DLGAP2: variants seen among roughly 807,000 people sequenced by gnomAD.
DLGAP2 encodes the protein DLG associated protein 2.
In DLGAP2, 26 loss-of-function variants were observed where a neutral mutation model predicts 100.3. The ratio of observed to expected loss-of-function variants is 0.26; its 90% CI spans 0.19 to 0.36. The LOEUF (loss-of-function observed/expected upper bound fraction) is 0.36. DLGAP2 is among the 10% of genes least tolerant of loss of function. DLGAP2 has a pLI of 1.00. For missense variants in DLGAP2, 1,858 were observed against 1,453.2 expected (o/e 1.28, Z -4.53); for synonymous variants, 886 against 630.1 (o/e 1.41, Z -6.08).
chr8:1,522,147 G>A (rs560781715), intron 4 of DLGAP2, among the ~76,000 whole-genome samples: 39 of 152,324 alleles, frequency 2.6e-4, no homozygotes, highest in Admixed American at 9.8e-4. Flanking sequence ...GTGGTGTGGA[G>A]CATCTTTGGT....
At chr8:1,593,033 TTGCAATAG>T (rs1345447642) in intron 6 of DLGAP2, among the ~76,000 whole-genome samples, 1 of 152,200 alleles carries the variant, frequency 6.6e-6, no homozygotes, top group Admixed American at 6.6e-5. Flanking sequence ...TGATTATACA[TTGCAATAG>T]TAAAAATCTT....
chr8:1,065,636 G>A (rs940769184), intron 2 of DLGAP2, among the ~76,000 whole-genome samples: 1 of 152,166 alleles, frequency 6.6e-6, no homozygotes, highest in Non-Finnish European at 1.5e-5. Flanking sequence ...CCTTTCTTAT[G>A]GGATCATCAG....
At chr8:1,454,235 G>C (rs1454445179) in intron 3 of DLGAP2, among the ~76,000 whole-genome samples, 1 of 152,206 alleles carries the variant, frequency 6.6e-6, no homozygotes, top group Non-Finnish European at 1.5e-5. Flanking sequence ...GTCCCCGTAA[G>C]GTTTCATCCA....
chr8:1,561,566 C>T (rs758483930), intron 5 of DLGAP2, among the ~76,000 whole-genome samples: 1 of 152,158 alleles, frequency 6.6e-6, no homozygotes, highest in Non-Finnish European at 1.5e-5. Flanking sequence ...TTCTAGTGTG[C>T]GTGGTGCTAG....
chr8:815,998 A>G (rs1463737885), intron 1 of DLGAP2, among the ~76,000 whole-genome samples: 1 of 152,070 alleles, frequency 6.6e-6, no homozygotes, highest in African/African-American at 2.4e-5. Context: ...GTTGCTGTAG[A>G]GTTTGTTTTA....
chr8:969,515 G>C (rs1294429498), intron 2 of DLGAP2, among the ~76,000 whole-genome samples: 1 of 150,302 alleles, frequency 6.7e-6, no homozygotes, highest in Admixed American at 6.7e-5. Flanking sequence ...CAACTGTTAA[G>C]TTTTTAGGAA....
At chr8:1,213,327 C>G (rs750692865) in intron 2 of DLGAP2, among the ~76,000 whole-genome samples, 1 of 152,080 alleles carries the variant, frequency 6.6e-6, no homozygotes, top group African/African-American at 2.4e-5. Context: ...AAGTTTTGAT[C>G]GAGTTTTGAA....
At chr8:1,127,751 G>A (rs1259244968) in intron 2 of DLGAP2, among the ~76,000 whole-genome samples, 1 of 152,196 alleles carries the variant, frequency 6.6e-6, no homozygotes, top group African/African-American at 2.4e-5. Flanking sequence ...AAGGCCCAGA[G>A]GAGGACGGTT....
chr8:1,097,450 G>C (rs1454007463), intron 2 of DLGAP2, among the ~76,000 whole-genome samples: 802 of 72,012 alleles, frequency 0.011, no homozygotes, highest in Middle Eastern at 0.051. Flanking sequence ...CCACCTCCCT[G>C]TGCTCAGGAG....
chr8:1,012,973 T>G (rs984858120), intron 2 of DLGAP2, among the ~76,000 whole-genome samples: 2 of 151,796 alleles, frequency 1.3e-5, no homozygotes, highest in South Asian at 2.2e-4. Flanking sequence ...CCAGTGTGGC[T>G]TCAGTTTTGC....
intron 3 of DLGAP2, among the ~76,000 whole-genome samples, chr8:1,317,386 C>A (rs185025374): frequency 5.2e-5 from 5 of 95,990 alleles, no homozygotes; most frequent in Middle Eastern, 5.6e-3. Context: ...AAAAATAGAG[C>A]CTGTGCGAGT....
chr8:1,428,975 CTT>C (rs1392503804), intron 3 of DLGAP2, among the ~76,000 whole-genome samples: 1 of 152,204 alleles, frequency 6.6e-6, no homozygotes, highest in East Asian at 1.9e-4. Flanking sequence ...AAAAGATCAA[CTT>C]AGGCACATTA....
chr8:750,399 C>G (rs1820761424), intron 1 of DLGAP2, among the ~76,000 whole-genome samples: 1 of 152,204 alleles, frequency 6.6e-6, no homozygotes, highest in Non-Finnish European at 1.5e-5. Flanking sequence ...CATTTCGAAT[C>G]TTTTCTATGT....
At chr8:811,737 A>T (rs12542561) in intron 1 of DLGAP2, among the ~76,000 whole-genome samples, 17,907 of 150,236 alleles carry the variant, frequency 0.12, 743 homozygotes, top group East Asian at 0.22. Flanking sequence ...ATGAGCAGGA[A>T]CTATCTGGGG....
intron 8 of DLGAP2, among the ~76,000 whole-genome samples, chr8:1,656,789 C>T (rs1228128760): frequency 2.0e-5 from 3 of 152,176 alleles, no homozygotes; most frequent in South Asian, 2.1e-4. Flanking sequence ...ACCTTTTCTT[C>T]GTGCCCCAAG....
At chr8:1,238,753 T>TGC (rs1293152318) in intron 2 of DLGAP2, among the ~76,000 whole-genome samples, 1 of 80,248 alleles carries the variant, frequency 1.2e-5, no homozygotes. Flanking sequence ...TCTAGTTCTC[T>TGC]CACGTGGCGC....
At chr8:830,989 G>A (rs958402476) in intron 1 of DLGAP2, among the ~76,000 whole-genome samples, 1 of 150,502 alleles carries the variant, frequency 6.6e-6, no homozygotes, top group Non-Finnish European at 1.5e-5. Context: ...TTTGCCTCCC[G>A]AGTTCAAGCG....
intron 2 of DLGAP2, among the ~76,000 whole-genome samples, chr8:1,130,070 G>C (rs530640060): frequency 7.9e-6 from 1 of 126,066 alleles, no homozygotes; most frequent in Non-Finnish European, 1.7e-5. Context: ...GGCACTTCAC[G>C]TGGGTTAAGG....
intron 2 of DLGAP2, among the ~76,000 whole-genome samples, chr8:1,148,197 G>T (rs1374674203): frequency 1.3e-5 from 2 of 151,976 alleles, no homozygotes; most frequent in Non-Finnish European, 1.5e-5. Context: ...TATAAGTTGT[G>T]TTTTCCAAGG....
Sources: allele counts gnomAD v4.1 joint callset (sites outside exome capture counted in the v4.1 genomes callset), GRCh38; gene constraint gnomAD v4.1.1; transcripts MANE v1.5; gene names NCBI Gene and HGNC (gene_info 2026-07-23, HGNC 2026-07-21).